The following ADAMTS18 variants were observed in gnomAD, a reference collection of about 807,000 sequenced individuals.
ADAMTS18 encodes A disintegrin and metalloproteinase with thrombospondin motifs 18.
In ADAMTS18, 157 loss-of-function variants were observed where a neutral mutation model predicts 165.9. The ratio of observed to expected loss-of-function variants is 0.95; its 90% CI spans 0.83 to 1.08. The LOEUF is 1.08. ADAMTS18 is among the 50% of genes least tolerant of loss of function. ADAMTS18 has a pLI of 0.00. For synonymous variants in ADAMTS18, 782 were observed against 578.2 expected, an observed-to-expected ratio of 1.35 and a Z score of -5.06; for missense variants, 2,040 against 1,534.0, an observed-to-expected ratio of 1.33 and a Z score of -5.51.
At chr16:77,398,311 T>C (rs1486430402) in intron 3 of ADAMTS18, among the ~76,000 whole-genome samples, 2 of 147,942 alleles carry the variant, frequency 1.4e-5, no homozygotes, top group African/African-American at 4.9e-5. Context: ...AGAGACACTC[T>C]GTCTCAAAAA....
chr16:77,397,049 T>C (rs2057267036), intron 3 of ADAMTS18, among the ~76,000 whole-genome samples: 1 of 152,144 alleles, frequency 6.6e-6, no homozygotes, highest in Non-Finnish European at 1.5e-5. Flanking sequence ...CCTAAGGTGA[T>C]CCACCTGCCT....
At chr16:77,372,658 G>T (rs1197371820) in intron 3 of ADAMTS18, among the ~76,000 whole-genome samples, 1 of 152,146 alleles carries the variant, frequency 6.6e-6, no homozygotes, top group African/African-American at 2.4e-5. Context: ...TGGGACAAGA[G>T]AATCAATAGG....
At chr16:77,315,689 C>T (rs1275507497) in intron 16 of ADAMTS18, among the ~76,000 whole-genome samples, 1 of 152,150 alleles carries the variant, frequency 6.6e-6, no homozygotes, top group Admixed American at 6.5e-5. Flanking sequence ...AAGGCACATT[C>T]TGGATATTGC....
chr16:77,338,756 A>G (rs569345796), intron 11 of ADAMTS18, among the ~76,000 whole-genome samples: 2 of 151,966 alleles, frequency 1.3e-5, no homozygotes, highest in African/African-American at 4.8e-5. Flanking sequence ...GACCGAGAGC[A>G]TCCTGGCTAA....
At chr16:77,370,014 T>C (rs7193747) in intron 3 of ADAMTS18, among the ~76,000 whole-genome samples, 1,662 of 152,258 alleles carry the variant, frequency 0.011, 24 homozygotes, top group African/African-American at 0.038. Context: ...AAAAATGCAT[T>C]TGATAAAATT....
At chr16:77,407,938 T>G (rs2057413601) in intron 3 of ADAMTS18, among the ~76,000 whole-genome samples, 1 of 151,898 alleles carries the variant, frequency 6.6e-6, no homozygotes, top group African/African-American at 2.4e-5. Context: ...ATTTAAAAAG[T>G]GATTCATTAT....
intron 3 of ADAMTS18, among the ~76,000 whole-genome samples, chr16:77,379,312 C>G (rs187515501): frequency 6.6e-6 from 1 of 152,304 alleles, no homozygotes; most frequent in Non-Finnish European, 1.5e-5. Context: ...CAGCAACAAT[C>G]TCTTTTTGGT....
At chr16:77,402,501 G>A (rs776646895) in intron 3 of ADAMTS18, among the ~76,000 whole-genome samples, 1 of 152,102 alleles carries the variant, frequency 6.6e-6, no homozygotes, top group African/African-American at 2.4e-5. Context: ...AGGTTGAGAA[G>A]GAAAAAACTG....
At chr16:77,324,959 T>C (rs2056066985) in intron 13 of ADAMTS18, among the ~76,000 whole-genome samples, 1 of 152,166 alleles carries the variant, frequency 6.6e-6, no homozygotes, top group Admixed American at 6.5e-5. Context: ...CTGAAATGGC[T>C]AGGCTGATAC....
chr16:77,300,683 C>T (rs948892674), intron 16 of ADAMTS18, among the ~76,000 whole-genome samples: 3 of 152,056 alleles, frequency 2.0e-5, no homozygotes, highest in African/African-American at 7.2e-5. Flanking sequence ...CAAACACATA[C>T]ATACACACAC....
In ADAMTS18 at chr16:77,291,556, G is replaced by A. The variant is rs780497999; in HGVS notation, c.3190-78C>T. On this transcript the variant is annotated intron_variant, in intron 20 of 22. Transcript: ENST00000282849. ...CTGGACAGAGGCAGTTTGACATAAG[G>A]TTGCACCATCCACATGAAATAGGAG... 166 of 1,407,358 alleles carry A rather than the reference G, an allele frequency of 1.2e-4. 1 individual carries two copies. The highest frequency in any genetic ancestry group is 2.9e-4 in the African/African-American group (21 of 71,304). The allele number at this position is 1,407,358 out of a possible 1,614,324, so 87.2% of individuals were successfully genotyped here.
intron 3 of ADAMTS18, among the ~76,000 whole-genome samples, chr16:77,418,209 A>C (rs1332491042): frequency 6.6e-6 from 1 of 152,216 alleles, no homozygotes; most frequent in Non-Finnish European, 1.5e-5. Context: ...ATTCATACAT[A>C]GTCTCAGCAG....
At position 77,291,598 on chromosome 16, in the gene ADAMTS18, G is replaced by C. The variant is rs182478090; in HGVS notation, c.3190-120C>G. On this transcript the variant is annotated intron_variant, in intron 20 of 22. Transcript: ENST00000282849. ...AAATAGGAGGGATGGGATTACACAAGGTCAACCACACTCACTCGAGGATCT... is the reference window on the plus strand; with the variant it reads ...AAATAGGAGGGATGGGATTACACAACGTCAACCACACTCACTCGAGGATCT... 121 of 995,614 alleles carry C rather than the reference G, an allele frequency of 1.2e-4. No homozygotes were observed. The East Asian group carries it at 2.7e-3, about 22-fold the overall frequency. 61.7% of individuals were successfully genotyped at this position (995,614 alleles called of 1,614,324 possible). A position where few individuals can be genotyped will look rare whatever the true frequency, so the allele number is the denominator to read the frequency against.
chr16:77,370,500 A>G (rs771479323), intron 3 of ADAMTS18, among the ~76,000 whole-genome samples: 1 of 152,196 alleles, frequency 6.6e-6, no homozygotes, highest in Non-Finnish European at 1.5e-5. Flanking sequence ...CTGTAATCTC[A>G]GGACTTTGGG....
intron 16 of ADAMTS18, 42 bp from the exon 17 acceptor site, chr16:77,300,446 C>A: frequency 6.2e-7 from 1 of 1,610,060 alleles, no homozygotes; most frequent in South Asian, 1.1e-5. Flanking sequence ...AGATACAGGT[C>A]AGACCCTGGA....
At chr16:77,294,795 A>G (rs1035652434) in intron 19 of ADAMTS18, 128 bp downstream of exon 19, 23 of 905,930 alleles carry the variant, frequency 2.5e-5, no homozygotes. Context: ...GCAGATTCCC[A>G]GGCACATGAA....
In ADAMTS18 at chr16:77,407,463, G is replaced by T. The variant is rs11149987; in HGVS notation, c.495+23832C>A. ...TTTTGGTAGAAATTGGCAAACTAACGCTAAAATGCAAAGAACACAATATAG... is the reference window on the plus strand; with the variant it reads ...TTTTGGTAGAAATTGGCAAACTAACTCTAAAATGCAAAGAACACAATATAG... On this transcript the variant is annotated intron_variant, in intron 3 of 22. Coordinates refer to ENST00000282849, the MANE Select transcript of ADAMTS18 (RefSeq NM_199355.4). Among the ~76,000 whole-genome samples, 18 of 151,902 alleles carry T rather than the reference G, an allele frequency of 1.2e-4. No individual in the cohort carries two copies. In the South Asian group the frequency reaches 1.9e-3, roughly 16 times the overall value.
intron 12 of ADAMTS18, among the ~76,000 whole-genome samples, chr16:77,327,531 G>A (rs904122220): frequency 6.6e-6 from 1 of 152,144 alleles, no homozygotes. Context: ...AGAAAATGTG[G>A]TGTATATAGA....
chr16:77,328,017 A>C (rs2056124986), intron 12 of ADAMTS18, among the ~76,000 whole-genome samples: 1 of 152,168 alleles, frequency 6.6e-6, no homozygotes, highest in South Asian at 2.1e-4. Flanking sequence ...TTTCATCAGC[A>C]TAGTCACTTT....
Sources: allele counts gnomAD v4.1 joint callset (sites outside exome capture counted in the v4.1 genomes callset), GRCh38; gene constraint gnomAD v4.1.1; transcripts MANE v1.5; gene names NCBI Gene and HGNC (gene_info 2026-07-23, HGNC 2026-07-21).